The following DEK variants were observed in gnomAD, a reference collection of about 807,000 sequenced individuals.
DEK encodes the protein DEK proto-oncogene.
DEK carries 28 observed loss-of-function variants against 46.8 expected under a neutral mutation model. The ratio of observed to expected loss-of-function variants is 0.60; its 90% CI spans 0.44 to 0.82. The LOEUF is 0.82. DEK is among the 40% of genes least tolerant of loss of function. The pLI is 0.00. For synonymous variants in DEK, 160 were observed against 144.5 expected (o/e 1.11, Z -0.77); for missense variants, 416 against 430.6 (o/e 0.97, Z 0.30).
chr6:18,240,619 G>C (rs1790856363), intron 7 of DEK, among the ~76,000 whole-genome samples: 1 of 152,018 alleles, frequency 6.6e-6, no homozygotes, highest in Non-Finnish European at 1.5e-5. Flanking sequence ...GAAATTCTTT[G>C]ATTATGCAAA....
rs1582256473 is a variant in DEK, at chr6:18,231,827, G to T, written c.1047+4625C>A. Among the ~76,000 whole-genome samples, 3 of 152,074 alleles carry T rather than the reference G, an allele frequency of 2.0e-5. No individual in the cohort carries two copies. In the South Asian group the frequency reaches 6.2e-4, roughly 31 times the overall value. On this transcript the variant is annotated intron_variant, in intron 9 of 10. Transcript: ENST00000652689. ...CCATTACTTCTAAAACTATTCCAAT[G>T]AATAGAAAAAGAGGGAATCCTCCGT...
chr6:18,259,962 A>C (rs1791781072), intron 2 of DEK, among the ~76,000 whole-genome samples: 1 of 152,138 alleles, frequency 6.6e-6, no homozygotes, highest in Admixed American at 6.5e-5. Context: ...GATTTAAACT[A>C]TTTGCTTGTC....
chr6:18,257,455 T>C (rs1791647796), intron 4 of DEK, among the ~76,000 whole-genome samples: 1 of 152,230 alleles, frequency 6.6e-6, no homozygotes, highest in African/African-American at 2.4e-5. Context: ...CTCACACCTG[T>C]AATCCCAACA....
chr6:18,248,969 C>T (rs1791242581), intron 7 of DEK, among the ~76,000 whole-genome samples: 1 of 151,810 alleles, frequency 6.6e-6, no homozygotes, highest in Admixed American at 6.6e-5. Context: ...ATACAGTCTA[C>T]CAAAACATCA....
chr6:18,259,017 C>T (rs1483178521), intron 2 of DEK, among the ~76,000 whole-genome samples: 2 of 152,032 alleles, frequency 1.3e-5, no homozygotes, highest in East Asian at 3.9e-4. Flanking sequence ...ATAAGTCACT[C>T]AAAGTTAAAT....
chr6:18,259,391 T>C (rs12195215), intron 2 of DEK, among the ~76,000 whole-genome samples: 14,579 of 46,570 alleles, frequency 0.31, 1,125 homozygotes, highest in East Asian at 0.42. Flanking sequence ...CAAGACTCCG[T>C]CTCAAAAAAA....
rs550601072 is a variant in DEK at position 18,252,213 on chromosome 6, T to C, written c.574-2374A>G. ...GAGAAAAAGGAAACTTCTTGTAGCA[T>C]AGAAAATAGCTCTAGGCCAGACATA... On this transcript the variant is annotated intron_variant, in intron 6 of 10. Coordinates refer to ENST00000652689, the MANE Select transcript of DEK (RefSeq NM_003472.4). Among the ~76,000 whole-genome samples, 5 of 152,202 alleles carry C rather than the reference T, an allele frequency of 3.3e-5. No individual in the cohort carries two copies. In the East Asian group the frequency reaches 7.7e-4, roughly 23 times the overall value.
chr6:18,247,920 C>T (rs1314009601), intron 7 of DEK, among the ~76,000 whole-genome samples: 2 of 152,162 alleles, frequency 1.3e-5, no homozygotes, highest in African/African-American at 4.8e-5. Context: ...GATCCACCCA[C>T]CTCGGCCTCC....
At chr6:18,257,396 G>C (rs1357472719) in intron 4 of DEK, among the ~76,000 whole-genome samples, 1 of 152,130 alleles carries the variant, frequency 6.6e-6, no homozygotes, top group Non-Finnish European at 1.5e-5. Flanking sequence ...ATTTCAGTTT[G>C]GAATAAAAAC....
rs770633210 is a variant in DEK, at chr6:18,225,740, AAG to A, written c.1117-12_1117-11del. The A allele has an allele frequency of 8.7e-6, 14 of 1,613,100 alleles. No homozygotes were observed. The highest frequency in any genetic ancestry group is 3.3e-5 in the South Asian group (3 of 90,940). ...TATCTCAAGAAATTAGCTGTAATGA[AAG>A]AGAAACATTATTTTGCCATAAATCA... is the stretch of plus-strand genomic sequence containing the variant. On this transcript the variant is annotated splice_polypyrimidine_tract_variant and intron_variant, in intron 10 of 10. Coordinates refer to ENST00000652689, the MANE Select transcript of DEK (RefSeq NM_003472.4).
intron 9 of DEK, among the ~76,000 whole-genome samples, chr6:18,231,118 A>G (rs962930654): frequency 1.3e-5 from 2 of 152,346 alleles, no homozygotes; most frequent in Non-Finnish European, 2.9e-5. Flanking sequence ...CTGAATGACT[A>G]CTGGGTACAT....
At chr6:18,235,183 T>C (rs1388300851) in intron 9 of DEK, among the ~76,000 whole-genome samples, 1 of 152,202 alleles carries the variant, frequency 6.6e-6, no homozygotes, top group Non-Finnish European at 1.5e-5. Flanking sequence ...AAAATATGAT[T>C]GCGTTATGCC....
intron 7 of DEK, among the ~76,000 whole-genome samples, chr6:18,237,739 A>G (rs1790721105): frequency 6.6e-6 from 1 of 152,188 alleles, no homozygotes; most frequent in East Asian, 1.9e-4. Flanking sequence ...AGAGTTGCCC[A>G]TATTTATTCA....
intron 8 of DEK, chr6:18,237,163 ATCTC>A (rs968246240): frequency 4.1e-5 from 12 of 294,284 alleles, no homozygotes; most frequent in Admixed American, 3.0e-4. Context: ...TCCCCAAGAT[ATCTC>A]TCTCTCTGTC....
At chr6:18,230,386 C>G (rs1045748239) in intron 9 of DEK, among the ~76,000 whole-genome samples, 2 of 152,078 alleles carry the variant, frequency 1.3e-5, no homozygotes, top group African/African-American at 4.8e-5. Flanking sequence ...CAACATTAAC[C>G]TTAAATGTAA....
chr6:18,234,444 C>G (rs933569959), intron 9 of DEK, among the ~76,000 whole-genome samples: 3 of 152,156 alleles, frequency 2.0e-5, no homozygotes, highest in Non-Finnish European at 4.4e-5. Flanking sequence ...TAAGCCCAGA[C>G]TACAGATTGC....
chr6:18,235,900 CT>C (rs1274051174), intron 9 of DEK, among the ~76,000 whole-genome samples: 1 of 152,192 alleles, frequency 6.6e-6, no homozygotes, highest in Non-Finnish European at 1.5e-5. Context: ...GACTATTTCA[CT>C]TTTGGTACAT....
At chr6:18,234,621 A>T (rs1309280575) in intron 9 of DEK, among the ~76,000 whole-genome samples, 1 of 152,112 alleles carries the variant, frequency 6.6e-6, no homozygotes, top group African/African-American at 2.4e-5. Flanking sequence ...TCAGCCAAAA[A>T]GCCATTATTA....
chr6:18,227,589 G>A (rs1330701142), intron 9 of DEK, among the ~76,000 whole-genome samples: 1 of 151,790 alleles, frequency 6.6e-6, no homozygotes, highest in Non-Finnish European at 1.5e-5. Context: ...CTGGTCCCCT[G>A]AGTCCCCTTA....
Sources: gnomAD v4.1 joint callset for allele counts (sites outside exome capture counted in the v4.1 genomes callset) on GRCh38, gnomAD v4.1.1 for gene constraint, MANE v1.5 for transcripts, NCBI Gene and HGNC (gene_info 2026-07-23, HGNC 2026-07-21) for gene names.